The following COX7B2 variants were observed in gnomAD, a reference collection of about 807,000 sequenced individuals.
COX7B2 encodes the protein cytochrome c oxidase subunit 7B2, also known as cytochrome c oxidase subunit 7B2, mitochondrial.
For synonymous variants in COX7B2, 37 were observed against 32.1 expected, an observed-to-expected ratio of 1.15 and a Z score of -0.51; for missense variants, 109 against 95.9, an observed-to-expected ratio of 1.14 and a Z score of -0.57.
At chr4:46,768,280 G>C in intron 2 of COX7B2, among the ~76,000 whole-genome samples, 1 of 152,170 alleles carries the variant, frequency 6.6e-6, no homozygotes, top group East Asian at 1.9e-4. Context: ...GAAAGGAAAT[G>C]GAATGGGAAA....
chr4:46,744,804 G>A lies in COX7B2; in HGVS notation c.-49-9563C>T, dbSNP rs143055374. 7.8e-3 allele frequency among the ~76,000 whole-genome samples: 1,128 copies of A among 144,188 alleles called. 15 individuals carry two copies. Among genetic ancestry groups the A allele is most frequent in the African/African-American group, 0.027 (1,062 of 39,554 alleles). The allele number at this position is 144,188 out of a possible 152,430, so 94.6% of individuals were successfully genotyped here. On this transcript the variant is annotated intron_variant, in intron 2 of 2. Coordinates refer to ENST00000355591, the MANE Select transcript of COX7B2 (RefSeq NM_130902.3). ...GTCACCTAGGCTGTAGTGCAGTGGCGTAATCTCGGCTCACTGCACCCTCCA... is the reference window on the plus strand; with the variant it reads ...GTCACCTAGGCTGTAGTGCAGTGGCATAATCTCGGCTCACTGCACCCTCCA...
chr4:46,885,701 CA>C (rs1435141731), intron 1 of COX7B2, among the ~76,000 whole-genome samples: 1 of 152,068 alleles, frequency 6.6e-6, no homozygotes, highest in Admixed American at 6.5e-5. Context: ...ATTCAGAAAC[CA>C]GGTGGGTTTT....
chr4:46,766,092 T>C (rs1315556421), intron 2 of COX7B2, among the ~76,000 whole-genome samples: 5 of 152,132 alleles, frequency 3.3e-5, no homozygotes, highest in Non-Finnish European at 2.9e-5. Context: ...ACACAAAGGA[T>C]GACAGAGTTC....
intron 2 of COX7B2, among the ~76,000 whole-genome samples, chr4:46,768,179 C>A (rs1233795148): frequency 1.3e-5 from 2 of 152,202 alleles, no homozygotes; most frequent in Non-Finnish European, 2.9e-5. Flanking sequence ...GTCTGGTACC[C>A]AAGAGGAATG....
At chr4:46,816,014 T>C (rs1413960721) in intron 2 of COX7B2, among the ~76,000 whole-genome samples, 1 of 152,194 alleles carries the variant, frequency 6.6e-6, no homozygotes, top group Non-Finnish European at 1.5e-5. Flanking sequence ...GTGACTATTA[T>C]GGATATGTAG....
intron 2 of COX7B2, among the ~76,000 whole-genome samples, chr4:46,833,447 G>A (rs1715299523): frequency 6.6e-6 from 1 of 152,152 alleles, no homozygotes; most frequent in African/African-American, 2.4e-5. Context: ...AGAACTCATA[G>A]GAAATATGAC....
intron 2 of COX7B2, among the ~76,000 whole-genome samples, chr4:46,803,239 A>T (rs191418423): frequency 1.0e-3 from 158 of 152,266 alleles, no homozygotes; most frequent in African/African-American, 3.6e-3. Flanking sequence ...CAGTAGTTTG[A>T]GGCTTTGCGC....
At chr4:46,896,092 G>A (rs1719738731) in intron 1 of COX7B2, among the ~76,000 whole-genome samples, 2 of 152,090 alleles carry the variant, frequency 1.3e-5, no homozygotes, top group African/African-American at 4.8e-5. Flanking sequence ...TTACAATTTT[G>A]CCTAGACTTG....
chr4:46,766,738 G>A (rs1365504495), intron 2 of COX7B2, among the ~76,000 whole-genome samples: 1 of 151,252 alleles, frequency 6.6e-6, no homozygotes. Context: ...CAGGGGAAGG[G>A]AAGTGTAGAA....
At chr4:46,835,829 T>A (rs1364703388) in intron 2 of COX7B2, among the ~76,000 whole-genome samples, 3 of 152,132 alleles carry the variant, frequency 2.0e-5, no homozygotes, top group African/African-American at 7.2e-5. Context: ...ACAGCCTCAA[T>A]CATACAGCCT....
At chr4:46,845,679 G>A (rs1366166550) in intron 1 of COX7B2, among the ~76,000 whole-genome samples, 1 of 151,886 alleles carries the variant, frequency 6.6e-6, no homozygotes, top group African/African-American at 2.4e-5. Context: ...TAGGATAAAA[G>A]AAAAACAGTC....
intron 2 of COX7B2, among the ~76,000 whole-genome samples, chr4:46,805,573 A>G (rs1181753032): frequency 1.3e-5 from 2 of 152,208 alleles, no homozygotes; most frequent in South Asian, 2.1e-4. Flanking sequence ...GCAAATTTAT[A>G]TGGATAACAA....
intron 2 of COX7B2, among the ~76,000 whole-genome samples, chr4:46,779,336 T>C (rs73139363): frequency 0.013 from 1,922 of 152,280 alleles, 35 homozygotes; most frequent in African/African-American, 0.044. Flanking sequence ...ATTCATATTG[T>C]CACAAATAGG....
chr4:46,749,314 C>T (rs1345373061), intron 2 of COX7B2, among the ~76,000 whole-genome samples: 2 of 152,150 alleles, frequency 1.3e-5, no homozygotes, highest in Admixed American at 6.5e-5. Flanking sequence ...AATCTGCTAA[C>T]TTTTCTCTAT....
rs143145336 is a variant in COX7B2 at position 46,830,810 on chromosome 4, C to T, written c.-50+14150G>A. On this transcript the variant is annotated intron_variant, in intron 2 of 2. Coordinates refer to ENST00000355591, the MANE Select transcript of COX7B2 (RefSeq NM_130902.3). ...TCTGCAAATGGCTTTCAAAGTTTTA[C>T]TGGGCATTAATGTACAGTCATCTCA... Among the ~76,000 whole-genome samples the T allele has an allele frequency of 5.5e-3, 838 of 152,340 alleles. 10 individuals are homozygous for T. Among genetic ancestry groups the T allele is most frequent in the African/African-American group, 0.019 (809 of 41,578 alleles).
intron 2 of COX7B2, among the ~76,000 whole-genome samples, chr4:46,788,922 C>T (rs1030226134): frequency 6.6e-5 from 10 of 152,064 alleles, no homozygotes; most frequent in African/African-American, 9.7e-5. Flanking sequence ...TTTAGGTGTG[C>T]GGATAACCAG....
Position 46,824,287 on chromosome 4 carries a change from G to A in COX7B2, c.-50+20673C>T, listed in dbSNP as rs1714516889. ...CTACAGAAATATTCCAAAAAACTGA[G>A]GAGGAGGGACTCTTGCTCAACTCAT... On this transcript the variant is annotated intron_variant, in intron 2 of 2. Coordinates refer to ENST00000355591, the MANE Select transcript of COX7B2 (RefSeq NM_130902.3). 3.3e-5 allele frequency among the ~76,000 whole-genome samples: 5 copies of A among 152,174 alleles called. No homozygotes were observed. The South Asian group carries it at 1.0e-3, about 32-fold the overall frequency.
chr4:46,788,137 A>G (rs183146184), intron 2 of COX7B2, among the ~76,000 whole-genome samples: 3 of 152,352 alleles, frequency 2.0e-5, no homozygotes, highest in East Asian at 3.9e-4. Flanking sequence ...GTAGAGTAGT[A>G]GTAGAGTAAA....
At chr4:46,753,132 T>C (rs1169335168) in intron 2 of COX7B2, among the ~76,000 whole-genome samples, 1 of 152,188 alleles carries the variant, frequency 6.6e-6, no homozygotes, top group African/African-American at 2.4e-5. Context: ...AACTTCTTCC[T>C]GGTTTAGTCT....
Sources: gnomAD v4.1 joint callset for allele counts (sites outside exome capture counted in the v4.1 genomes callset) on GRCh38, gnomAD v4.1.1 for gene constraint, MANE v1.5 for transcripts, NCBI Gene and HGNC (gene_info 2026-07-23, HGNC 2026-07-21) for gene names.